Variants in GLCE observed in about 807,000 individuals in gnomAD.
GLCE encodes glucuronic acid epimerase.
In GLCE, 19 loss-of-function variants were observed where a neutral mutation model predicts 47.9. That is an observed-to-expected ratio of 0.40 (90% CI 0.28 to 0.58). GLCE has a LOEUF of 0.58. Among genes scored for constraint, GLCE ranks in the 20% least tolerant of loss-of-function variants. The pLI is 0.48. For missense variants in GLCE, 556 were observed against 743.3 expected, an observed-to-expected ratio of 0.75 and a Z score of 2.93; for synonymous variants, 245 against 263.4, an observed-to-expected ratio of 0.93 and a Z score of 0.68.
intron 1 of GLCE, among the ~76,000 whole-genome samples, chr15:69,176,439 G>A (rs1051847292): frequency 2.0e-5 from 3 of 151,834 alleles, no homozygotes; most frequent in African/African-American, 7.2e-5. Flanking sequence ...GGCCAGGCTG[G>A]TCTCAAACTC....
At chr15:69,182,696 G>A (rs1359226853) in intron 1 of GLCE, among the ~76,000 whole-genome samples, 2 of 152,036 alleles carry the variant, frequency 1.3e-5, no homozygotes, top group Non-Finnish European at 2.9e-5. Context: ...GTAGTGAGCT[G>A]GTATCAGAGT....
chr15:69,250,539 G>A (rs573844082), intron 2 of GLCE, among the ~76,000 whole-genome samples: 75 of 151,252 alleles, frequency 5.0e-4, no homozygotes, highest in East Asian at 4.9e-3. Flanking sequence ...ACAGGATCTC[G>A]CTGTGTTGCC....
At chr15:69,243,819 T>A (rs181827403) in intron 2 of GLCE, among the ~76,000 whole-genome samples, 1,997 of 118,344 alleles carry the variant, frequency 0.017, 19 homozygotes, top group Non-Finnish European at 0.023. Flanking sequence ...ATAATTTTTT[T>A]AAAAAAAAAG....
chr15:69,256,261 T>C lies in GLCE; in HGVS notation c.455T>C (p.Phe152Ser). Residue 152 changes from phenylalanine (F) to serine (S), a missense_variant, in exon 3 of 5, where the codon TTT becomes TCT. Around this residue, in one of 3 missense-constraint regions of GLCE, gnomAD observed 237 missense variants for 310.9 expected, o/e 0.76. Transcript: ENST00000261858. Reference protein sequence around the residue: ...KVVQYDGYDRFEFSHSYSKVY... With the variant: ...KVVQYDGYDRSEFSHSYSKVY... ...GTTCAGTATGATGGCTATGATCGGT[T>C]TGAATTCTCTCATAGCTATTCCAAA... 1 of 1,614,070 alleles carries C rather than the reference T, an allele frequency of 6.2e-7. No homozygotes were observed. Among genetic ancestry groups the C allele is most frequent in the Non-Finnish European group, 8.5e-7 (1 of 1,179,940 alleles).
chr15:69,253,854 T>C, intron 2 of GLCE, among the ~76,000 whole-genome samples: 1 of 152,186 alleles, frequency 6.6e-6, no homozygotes, highest in East Asian at 1.9e-4. Context: ...CTTTTAATGA[T>C]TTAAGACAGT....
intron 4 of GLCE, chr15:69,266,758 A>AT: frequency 1.1e-6 from 1 of 932,642 alleles, no homozygotes; most frequent in Non-Finnish European, 1.3e-6. Flanking sequence ...CTCCAATATC[A>AT]TTTGTCTTTT....
intron 2 of GLCE, among the ~76,000 whole-genome samples, chr15:69,223,033 C>T (rs1012990640): frequency 6.6e-6 from 1 of 152,162 alleles, no homozygotes; most frequent in Non-Finnish European, 1.5e-5. Flanking sequence ...AAATTACATC[C>T]TTATACATTA....
At chr15:69,176,205 A>T in intron 1 of GLCE, among the ~76,000 whole-genome samples, 1 of 140,176 alleles carries the variant, frequency 7.1e-6, no homozygotes, top group East Asian at 2.1e-4. Flanking sequence ...AGTAGTTTTC[A>T]GTGGAACCTT....
In GLCE at chr15:69,265,240, A is replaced by G. The variant is rs184475354; in HGVS notation, c.830-2980A>G. Among the ~76,000 whole-genome samples, 11 of 152,220 alleles carry G rather than the reference A, an allele frequency of 7.2e-5. No individual in the cohort carries two copies. The East Asian group carries it at 1.4e-3, about 19-fold the overall frequency. On this transcript the variant is annotated intron_variant, in intron 4 of 4. Coordinates refer to ENST00000261858, the MANE Select transcript of GLCE (RefSeq NM_015554.3). ...ATAACTGGTTAGGAGAGGATGGGTC[A>G]TGGCTTTCAAACAATAAAAAAAAAA...
At chr15:69,249,625 A>C (rs1018719924) in intron 2 of GLCE, among the ~76,000 whole-genome samples, 6 of 152,088 alleles carry the variant, frequency 3.9e-5, no homozygotes, top group African/African-American at 9.7e-5. Context: ...TTTGGCCTAC[A>C]TTATTCGAGG....
intron 2 of GLCE, among the ~76,000 whole-genome samples, chr15:69,249,062 A>C (rs1243153590): frequency 6.6e-6 from 1 of 152,190 alleles, no homozygotes; most frequent in Non-Finnish European, 1.5e-5. Context: ...AAGGACCTAG[A>C]GAATGATGGG....
intron 4 of GLCE, among the ~76,000 whole-genome samples, chr15:69,267,629 G>A (rs887732403): frequency 6.6e-6 from 1 of 152,114 alleles, no homozygotes; most frequent in Middle Eastern, 3.2e-3. Flanking sequence ...CTTGTACCTT[G>A]GGCAAGTTAC....
chr15:69,186,395 A>G (rs1426348306), intron 1 of GLCE, among the ~76,000 whole-genome samples: 5 of 152,208 alleles, frequency 3.3e-5, no homozygotes, highest in Admixed American at 2.6e-4. Flanking sequence ...GCCAGGAACC[A>G]TGAATGAAAA....
chr15:69,258,497 C>T (rs1417146088), intron 3 of GLCE, among the ~76,000 whole-genome samples: 2 of 152,086 alleles, frequency 1.3e-5, no homozygotes, highest in African/African-American at 4.8e-5. Flanking sequence ...AAGGACATGC[C>T]ATGATATATG....
chr15:69,248,678 G>A (rs1363784721), intron 2 of GLCE, among the ~76,000 whole-genome samples: 1 of 152,106 alleles, frequency 6.6e-6, no homozygotes, highest in Non-Finnish European at 1.5e-5. Flanking sequence ...CCAGGCTGGA[G>A]TGCAATGGCG....
At chr15:69,166,879 A>T (rs1357808196) in intron 1 of GLCE, among the ~76,000 whole-genome samples, 7 of 119,646 alleles carry the variant, frequency 5.9e-5, no homozygotes, top group Admixed American at 1.1e-4. Context: ...GAGATTGTCC[A>T]GCCTGGCCGA....
At position 69,255,882 on chromosome 15, in the gene GLCE, C is replaced by T. The variant is rs758767598; in HGVS notation, c.76C>T (p.Leu26Phe). Residue 26 changes from leucine (L) to phenylalanine (F), a missense_variant, in exon 3 of 5, where the codon CTT becomes TTT. By Grantham distance (22) the Leu-to-Phe change is conservative (BLOSUM62 0). Transcript: ENST00000261858. ...CGCACTCTTCACTTTGGTCACAGTA[C>T]TTTTGTGGAATAAGTGTTCCAGTGA... Reference protein sequence around the residue: ...ICALFTLVTVLLWNKCSSDKA... With the variant: ...ICALFTLVTVFLWNKCSSDKA... 6 of 1,613,908 alleles carry T rather than the reference C, an allele frequency of 3.7e-6. No individual in the cohort carries two copies. Among genetic ancestry groups the T allele is most frequent in the Non-Finnish European group, 4.2e-6 (5 of 1,179,970 alleles).
intron 1 of GLCE, among the ~76,000 whole-genome samples, chr15:69,175,173 A>C (rs911019704): frequency 2.0e-5 from 3 of 152,114 alleles, no homozygotes; most frequent in Admixed American, 6.6e-5. Flanking sequence ...TATGATCTTT[A>C]GTCTTCATCT....
intron 2 of GLCE, among the ~76,000 whole-genome samples, chr15:69,242,888 A>T (rs2052692649): frequency 6.6e-6 from 1 of 151,644 alleles, no homozygotes; most frequent in Non-Finnish European, 1.5e-5. Flanking sequence ...TCTACTAAAA[A>T]TAAAAATAAA....
Sources: allele counts gnomAD v4.1 joint callset (sites outside exome capture counted in the v4.1 genomes callset), GRCh38; gene constraint gnomAD v4.1.1; regional missense constraint gnomAD v4.1.1; transcripts MANE v1.5; gene names NCBI Gene and HGNC (gene_info 2026-07-23, HGNC 2026-07-21).